PLEKHG1: variants seen among roughly 807,000 people sequenced by gnomAD.
The protein encoded by PLEKHG1 is pleckstrin homology domain-containing family G member 1.
A neutral mutation model predicts 100.8 loss-of-function variants in PLEKHG1; 44 were observed. The observed-to-expected ratio is 0.44, with a 90% confidence interval of 0.34 to 0.56. PLEKHG1 has a LOEUF of 0.56. PLEKHG1 is among the 20% of genes least tolerant of loss of function. PLEKHG1 has a pLI of 0.01. For synonymous variants in PLEKHG1, 640 were observed against 662.5 expected (o/e 0.97, Z 0.52); for missense variants, 1,545 against 1,720.9 (o/e 0.90, Z 1.81).
intron 3 of PLEKHG1, among the ~76,000 whole-genome samples, chr6:150,773,793 T>C (rs2128643013): frequency 6.6e-6 from 1 of 152,388 alleles, no homozygotes; most frequent in South Asian, 2.1e-4. Flanking sequence ...TTCAACAGAA[T>C]TGACATCTTT....
chr6:150,771,665 G>A (rs1042523301), intron 3 of PLEKHG1, among the ~76,000 whole-genome samples: 2 of 151,674 alleles, frequency 1.3e-5, no homozygotes, highest in Non-Finnish European at 2.9e-5. Context: ...TAGGTGTATC[G>A]ATTTCAAAGA....
At chr6:150,651,498 T>TA (rs1447665058) in intron 3 of PLEKHG1, among the ~76,000 whole-genome samples, 1 of 152,088 alleles carries the variant, frequency 6.6e-6, no homozygotes, top group Non-Finnish European at 1.5e-5. Flanking sequence ...CCACCTAAAG[T>TA]ACTGGGATTA....
intron 3 of PLEKHG1, among the ~76,000 whole-genome samples, chr6:150,681,231 A>G (rs1369434043): frequency 1.3e-5 from 2 of 152,194 alleles, no homozygotes. Context: ...GAGAAAAGAA[A>G]GGATAATAGG....
intron 3 of PLEKHG1, chr6:150,664,596 C>T (rs936030730): frequency 5.3e-5 from 8 of 152,328 alleles, no homozygotes; most frequent in Admixed American, 1.3e-4. Context: ...CCTCCTTCTT[C>T]AGAGTCCCTC....
intron 10 of PLEKHG1, 143 bp downstream of exon 11, chr6:150,809,877 C>T: frequency 2.9e-6 from 1 of 340,210 alleles, no homozygotes; most frequent in Non-Finnish European, 5.1e-6. Context: ...AAAATAAAAA[C>T]AAAGAGACTG....
At chr6:150,840,467 A>G in exon 16 of PLEKHG1, 1 of 1,614,224 alleles carries the variant, frequency 6.2e-7, no homozygotes, top group Non-Finnish European at 8.5e-7. Context: ...TCACACTCCA[A>G]GACTCACAGA....
intron 6 of PLEKHG1, among the ~76,000 whole-genome samples, chr6:150,804,175 A>ATTTTTTTTTTT (rs1554276244): frequency 4.6e-5 from 2 of 43,174 alleles, no homozygotes; most frequent in African/African-American, 9.9e-5. Context: ...ATATATATAT[A>ATTTTTTTTTTT]TTTTTTTTTT....
intron 6 of PLEKHG1, among the ~76,000 whole-genome samples, chr6:150,801,519 C>T (rs1042669615): frequency 6.7e-6 from 1 of 149,994 alleles, no homozygotes; most frequent in Non-Finnish European, 1.5e-5. Flanking sequence ...ATCACTGCAA[C>T]CTCCGCCTCC....
chr6:150,741,667 C>A (rs1258310134), intron 2 of PLEKHG1, among the ~76,000 whole-genome samples: 3 of 139,902 alleles, frequency 2.1e-5, no homozygotes, highest in African/African-American at 9.7e-5. Context: ...AGTGACTTAT[C>A]CCCCAGGTCA....
chr6:150,694,697 CAAAAAA>C (rs558767058), intron 3 of PLEKHG1, among the ~76,000 whole-genome samples: 1 of 115,110 alleles, frequency 8.7e-6, no homozygotes, highest in African/African-American at 3.1e-5. Flanking sequence ...GACTCTGTCT[CAAAAAA>C]AAAAAAAATA....
chr6:150,734,174 G>C, intron 2 of PLEKHG1, 82 bp downstream of exon 3: 1 of 1,380,030 alleles, frequency 7.2e-7, no homozygotes, highest in Non-Finnish European at 1.0e-6. Context: ...GCCAGGTGTA[G>C]GGGATGTCTT....
At chr6:150,711,893 C>T (rs1214246894) in intron 3 of PLEKHG1, among the ~76,000 whole-genome samples, 4 of 152,164 alleles carry the variant, frequency 2.6e-5, no homozygotes, top group Non-Finnish European at 5.9e-5. Context: ...TAAGTCAAAA[C>T]GGGGCTACAA....
chr6:150,655,329 A>G (rs1478629393), intron 3 of PLEKHG1, among the ~76,000 whole-genome samples: 1 of 152,204 alleles, frequency 6.6e-6, no homozygotes, highest in Non-Finnish European at 1.5e-5. Flanking sequence ...AAACACATGC[A>G]CACGTATATT....
chr6:150,681,963 T>C lies in PLEKHG1; in HGVS notation c.-99+31177T>C, dbSNP rs180869612. ...GTGCACAGAGCATGGTGCTTTGCAA[T>C]ATGACTCCACCCCGATTCTAAAAAG... On this transcript the variant is annotated intron_variant, in intron 3 of 3. Transcript: ENST00000367326. Among the ~76,000 whole-genome samples, 520 of 152,304 alleles carry C rather than the reference T, an allele frequency of 3.4e-3. 2 individuals are homozygous for C. The highest frequency in any genetic ancestry group is 5.8e-3 in the Non-Finnish European group (393 of 68,020).
intron 1 of PLEKHG1, among the ~76,000 whole-genome samples, chr6:150,729,702 G>A (rs1782146734): frequency 6.6e-6 from 1 of 152,098 alleles, no homozygotes; most frequent in Admixed American, 6.5e-5. Flanking sequence ...TTTAGTTTGG[G>A]GTGGTAAGCT....
At position 150,838,656 on chromosome 6, in the gene PLEKHG1, A is replaced by G. The variant is rs145775881; in HGVS notation, c.3095-1177A>G. On this transcript the variant is annotated intron_variant, in intron 15 of 15. Transcript: ENST00000358517. The stretch of plus-strand genomic sequence containing the variant: ...CCGAAGAGAATCCCCTACCCATAGC[A>G]TGGTTAATGTATTAATATTTAGAAA... Among the ~76,000 whole-genome samples the G allele has an allele frequency of 6.5e-3, 989 of 152,320 alleles. 15 individuals are homozygous for G. The highest frequency in any genetic ancestry group is 0.023 in the African/African-American group (951 of 41,568).
At chr6:150,778,552 A>G (rs1785119254) in intron 3 of PLEKHG1, among the ~76,000 whole-genome samples, 1 of 152,124 alleles carries the variant, frequency 6.6e-6, no homozygotes. Flanking sequence ...GTTGCTCTCT[A>G]TCGTACTACC....
intron 3 of PLEKHG1, among the ~76,000 whole-genome samples, chr6:150,712,369 G>T (rs1003417186): frequency 6.6e-6 from 1 of 152,150 alleles, no homozygotes; most frequent in Non-Finnish European, 1.5e-5. Flanking sequence ...TGGGCTGGGG[G>T]TGTGGCAGGA....
intron 1 of PLEKHG1, among the ~76,000 whole-genome samples, chr6:150,617,455 A>C (rs1049753506): frequency 6.6e-6 from 1 of 152,240 alleles, no homozygotes; most frequent in African/African-American, 2.4e-5. Flanking sequence ...GTTAATTACG[A>C]GTGTGGCAGA....
Sources: allele counts gnomAD v4.1 joint callset (sites outside exome capture counted in the v4.1 genomes callset), GRCh38; gene constraint gnomAD v4.1.1; transcripts MANE v1.5; gene names NCBI Gene and HGNC (gene_info 2026-07-23, HGNC 2026-07-21).